The following BTD variants were observed in gnomAD, a reference collection of about 807,000 sequenced individuals.
The protein encoded by BTD is biocytinase.
BTD carries 13 observed loss-of-function variants against 17.7 expected under a neutral mutation model. The ratio of observed to expected loss-of-function variants is 0.74; its 90% CI spans 0.48 to 1.17. BTD has a LOEUF of 1.17. Ranked by LOEUF, BTD falls within the 50% of genes most tolerant of loss-of-function variation. The pLI is 0.00. For synonymous variants in BTD, 240 were observed against 245.2 expected, an observed-to-expected ratio of 0.98 and a Z score of 0.20; for missense variants, 674 against 650.4, an observed-to-expected ratio of 1.04 and a Z score of -0.39.
chr3:15,689,188 C>T (rs1441381677), intron 3 of BTD, among the ~76,000 whole-genome samples: 7 of 152,176 alleles, frequency 4.6e-5, no homozygotes, highest in Non-Finnish European at 1.0e-4. Context: ...AAGAGCCAAG[C>T]TGACATTTTT....
intron 1 of BTD, among the ~76,000 whole-genome samples, chr3:15,612,637 A>C (rs2064669223): frequency 6.6e-6 from 1 of 150,870 alleles, no homozygotes; most frequent in Non-Finnish European, 1.5e-5. Context: ...TCAAGCTATA[A>C]ATTGAAATAT....
intron 1 of BTD, among the ~76,000 whole-genome samples, chr3:15,618,342 A>G (rs988824811): frequency 6.6e-5 from 10 of 152,178 alleles, no homozygotes; most frequent in African/African-American, 9.7e-5. Context: ...GAATCTATAG[A>G]TCAAGTTGTT....
chr3:15,671,738 C>T (rs978290985), intron 3 of BTD, among the ~76,000 whole-genome samples: 7 of 151,906 alleles, frequency 4.6e-5, no homozygotes, highest in Non-Finnish European at 1.0e-4. Flanking sequence ...TGTGTGCCAC[C>T]ATGACCAGCT....
chr3:15,628,712 G>A (rs1278869397), intron 1 of BTD, among the ~76,000 whole-genome samples: 1 of 152,200 alleles, frequency 6.6e-6, no homozygotes, highest in African/African-American at 2.4e-5. Context: ...CTTTATGTGT[G>A]TGTATTTTCC....
chr3:15,670,643 T>C, intron 3 of BTD: 1 of 1,300,686 alleles, frequency 7.7e-7, no homozygotes, highest in Non-Finnish European at 1.0e-6. Context: ...TACTTCAACT[T>C]TAGACATATT....
chr3:15,656,707 G>A (rs1325696863), downstream of BTD, among the ~76,000 whole-genome samples: 1 of 152,070 alleles, frequency 6.6e-6, no homozygotes, highest in Admixed American at 6.5e-5. Flanking sequence ...CTCCCTCCGG[G>A]CTGGAGGCTA....
At chr3:15,712,184 G>T in exon 4 of BTD, 1 of 1,586,472 alleles carries the variant, frequency 6.3e-7, no homozygotes, top group East Asian at 2.3e-5. Flanking sequence ...GCCGCTTAAG[G>T]CTGCCAAATG....
At chr3:15,638,751 C>T (rs951272631) in intron 2 of BTD, among the ~76,000 whole-genome samples, 1 of 152,230 alleles carries the variant, frequency 6.6e-6, no homozygotes, top group African/African-American at 2.4e-5. Flanking sequence ...CACAAACCTA[C>T]ATGGTACGGC....
intron 3 of BTD, among the ~76,000 whole-genome samples, chr3:15,701,957 C>G (rs2070694629): frequency 6.6e-6 from 1 of 151,010 alleles, no homozygotes; most frequent in Non-Finnish European, 1.5e-5. Flanking sequence ...AATCTTTAAT[C>G]AAGTTCTCTA....
At chr3:15,683,209 A>G (rs1197541682) in intron 3 of BTD, among the ~76,000 whole-genome samples, 1 of 152,196 alleles carries the variant, frequency 6.6e-6, no homozygotes, top group African/African-American at 2.4e-5. Context: ...TTAAAAACCA[A>G]GCAGTAAGTC....
At chr3:15,674,153 C>T (rs1461001847) in intron 3 of BTD, among the ~76,000 whole-genome samples, 1 of 105,494 alleles carries the variant, frequency 9.5e-6, no homozygotes, top group Admixed American at 1.5e-4. Flanking sequence ...GTCTGGGCAA[C>T]AGAGTGAGAC....
chr3:15,644,001 T>A (rs1369167195), intron 3 of BTD, among the ~76,000 whole-genome samples: 2 of 150,020 alleles, frequency 1.3e-5, no homozygotes, highest in African/African-American at 4.9e-5. Flanking sequence ...TTTATTTATT[T>A]ATTTATTTAT....
intron 1 of BTD, among the ~76,000 whole-genome samples, chr3:15,605,864 T>G (rs975844099): frequency 6.6e-6 from 1 of 151,854 alleles, no homozygotes; most frequent in African/African-American, 2.4e-5. Flanking sequence ...GCCAATGTGG[T>G]GAAACCCCAT....
chr3:15,674,483 A>G (rs1403629180), intron 3 of BTD, among the ~76,000 whole-genome samples: 2 of 152,188 alleles, frequency 1.3e-5, no homozygotes, highest in South Asian at 4.1e-4. Flanking sequence ...GAAAGGATCA[A>G]CAGTTCAGTT....
At chr3:15,636,690 C>T (rs925390094) in intron 2 of BTD, among the ~76,000 whole-genome samples, 21 of 147,906 alleles carry the variant, frequency 1.4e-4, no homozygotes, top group Admixed American at 4.2e-4. Context: ...GCAGGGTGGT[C>T]GGGATGGCCT....
At chr3:15,629,669 C>G (rs2065155057) in intron 1 of BTD, among the ~76,000 whole-genome samples, 1 of 152,134 alleles carries the variant, frequency 6.6e-6, no homozygotes, top group Non-Finnish European at 1.5e-5. Context: ...GGATTACAGA[C>G]ACGTGCCACC....
chr3:15,610,336 A>G (rs1242829880), intron 1 of BTD, among the ~76,000 whole-genome samples: 1 of 152,188 alleles, frequency 6.6e-6, no homozygotes, highest in African/African-American at 2.4e-5. Flanking sequence ...AATGAGCCTC[A>G]TTGTGCAAGC....
chr3:15,708,329 C>T (rs1185163320), intron 3 of BTD, among the ~76,000 whole-genome samples: 1 of 152,150 alleles, frequency 6.6e-6, no homozygotes, highest in African/African-American at 2.4e-5. Context: ...AGTCCCAGTC[C>T]TTTGAGTGAC....
At chr3:15,679,311 A>G in intron 3 of BTD, 1 of 1,613,816 alleles carries the variant, frequency 6.2e-7, no homozygotes, top group Non-Finnish European at 8.5e-7. Context: ...CTTCCTTTTG[A>G]ATCTGTGGCG....
Sources: gnomAD v4.1 joint callset for allele counts (sites outside exome capture counted in the v4.1 genomes callset) on GRCh38, gnomAD v4.1.1 for gene constraint, MANE v1.5 for transcripts, NCBI Gene and HGNC (gene_info 2026-07-23, HGNC 2026-07-21) for gene names.